Variants in CSGALNACT1 observed in about 807,000 individuals in gnomAD.
CSGALNACT1 encodes the protein chondroitin sulfate N-acetylgalactosaminyltransferase 1.
A neutral mutation model predicts 51.0 loss-of-function variants in CSGALNACT1; 52 were observed. The observed-to-expected ratio is 1.02, with a 90% CI of 0.82 to 1.29. The LOEUF (loss-of-function observed/expected upper bound fraction) is 1.29, where lower values mean the gene tolerates loss of function less well. Ranked by LOEUF, CSGALNACT1 falls within the 50% of genes most tolerant of loss-of-function variation. CSGALNACT1 has a pLI of 0.00. For synonymous variants in CSGALNACT1, 341 were observed against 254.4 expected, an observed-to-expected ratio of 1.34 and a Z score of -3.24; for missense variants, 935 against 679.2, an observed-to-expected ratio of 1.38 and a Z score of -4.19.
chr8:19,659,762 C>T (rs987694015), intron 1 of CSGALNACT1, among the ~76,000 whole-genome samples: 4 of 152,156 alleles, frequency 2.6e-5, no homozygotes, highest in African/African-American at 9.7e-5. Context: ...AGAGCACCTG[C>T]CTGGCATGCA....
intron 2 of CSGALNACT1, among the ~76,000 whole-genome samples, chr8:19,593,655 G>A (rs1392159976): frequency 6.6e-6 from 1 of 152,188 alleles, no homozygotes; most frequent in Non-Finnish European, 1.5e-5. Context: ...CAGGAAGGGT[G>A]GTTTTCATCT....
At chr8:19,597,430 G>A (rs886348811) in intron 2 of CSGALNACT1, among the ~76,000 whole-genome samples, 2 of 151,270 alleles carry the variant, frequency 1.3e-5, no homozygotes, top group South Asian at 2.1e-4. Flanking sequence ...AAGTAGCTGG[G>A]ACTACAGGCA....
chr8:19,716,774 G>A (rs559246136), intron 1 of CSGALNACT1, among the ~76,000 whole-genome samples: 24 of 151,798 alleles, frequency 1.6e-4, no homozygotes, highest in South Asian at 1.0e-3. Flanking sequence ...CCTGGGTGAC[G>A]GAGTGAGACT....
intron 1 of CSGALNACT1, among the ~76,000 whole-genome samples, chr8:19,688,042 C>T (rs1482032965): frequency 6.6e-6 from 1 of 152,216 alleles, no homozygotes; most frequent in Non-Finnish European, 1.5e-5. Flanking sequence ...TCATCAATCT[C>T]ACAGCCCTCC....
intron 3 of CSGALNACT1, among the ~76,000 whole-genome samples, chr8:19,590,064 T>G (rs1407944665): frequency 6.6e-6 from 1 of 152,140 alleles, no homozygotes; most frequent in Non-Finnish European, 1.5e-5. Flanking sequence ...TCCTACCAAT[T>G]AGGTTGAAAT....
chr8:19,645,691 G>A (rs1164490360), intron 1 of CSGALNACT1, among the ~76,000 whole-genome samples: 1 of 152,192 alleles, frequency 6.6e-6, no homozygotes, highest in Non-Finnish European at 1.5e-5. Context: ...TGATGCTGTG[G>A]GCACTGCCTG....
chr8:19,736,384 A>T (rs2063974328), intron 1 of CSGALNACT1, among the ~76,000 whole-genome samples: 1 of 152,144 alleles, frequency 6.6e-6, no homozygotes, highest in Non-Finnish European at 1.5e-5. Flanking sequence ...CTTTACAGAA[A>T]AAGTTTCTAT....
At chr8:19,574,845 G>A (rs1213358137) in intron 3 of CSGALNACT1, among the ~76,000 whole-genome samples, 2 of 152,086 alleles carry the variant, frequency 1.3e-5, no homozygotes, top group African/African-American at 2.4e-5. Context: ...GACCACCCTG[G>A]CCCATGTGGT....
rs2064833928 is a variant in CSGALNACT1, at chr8:19,748,579, T to C, written c.-297+9271A>G. Reference sequence around the variant, plus strand: ...TATATTAAGGATTTACCATGTGCTGTAGCATTTACGTACATTAGCTCAATG... The same window carrying C: ...TATATTAAGGATTTACCATGTGCTGCAGCATTTACGTACATTAGCTCAATG... On this transcript the variant is annotated intron_variant, in intron 1 of 1. Transcript: ENST00000517494. Among the ~76,000 whole-genome samples the C allele has an allele frequency of 2.0e-5, 3 of 152,224 alleles. No homozygotes were observed. In the South Asian group the frequency reaches 6.2e-4, roughly 32 times the overall value.
chr8:19,486,770 C>G (rs2073053298), intron 4 of CSGALNACT1, among the ~76,000 whole-genome samples: 3 of 152,166 alleles, frequency 2.0e-5, no homozygotes. Context: ...CTTTACTCAG[C>G]TATGGAATTT....
intron 4 of CSGALNACT1, among the ~76,000 whole-genome samples, chr8:19,493,301 G>A (rs1469018521): frequency 6.6e-6 from 1 of 152,090 alleles, no homozygotes; most frequent in Non-Finnish European, 1.5e-5. Context: ...TTTTTTGGGG[G>A]AGGGGGACAG....
At chr8:19,689,133 C>G (rs1210212734) in intron 1 of CSGALNACT1, among the ~76,000 whole-genome samples, 4 of 152,308 alleles carry the variant, frequency 2.6e-5, no homozygotes, top group African/African-American at 9.6e-5. Context: ...CCTCTGCAAT[C>G]TGGGCCAAGG....
intron 1 of CSGALNACT1, among the ~76,000 whole-genome samples, chr8:19,623,931 C>T (rs1003901976): frequency 3.3e-5 from 5 of 152,194 alleles, no homozygotes; most frequent in African/African-American, 1.2e-4. Context: ...GAAGGAGGCT[C>T]ATCTTACAAG....
At chr8:19,608,822 C>T (rs2051771706) in intron 1 of CSGALNACT1, among the ~76,000 whole-genome samples, 1 of 152,264 alleles carries the variant, frequency 6.6e-6, no homozygotes, top group Admixed American at 6.5e-5. Flanking sequence ...AAATCTTTCA[C>T]CAAACTAGAA....
At chr8:19,610,806 G>A (rs1461104111) in intron 1 of CSGALNACT1, among the ~76,000 whole-genome samples, 1 of 152,230 alleles carries the variant, frequency 6.6e-6, no homozygotes, top group African/African-American at 2.4e-5. Flanking sequence ...AAGAAACCGG[G>A]ATACGGAAAG....
At chr8:19,661,550 CA>C (rs2058744125) in intron 1 of CSGALNACT1, among the ~76,000 whole-genome samples, 2 of 152,220 alleles carry the variant, frequency 1.3e-5, no homozygotes, top group Non-Finnish European at 2.9e-5. Flanking sequence ...TTCTGTAATA[CA>C]GTACTATTCC....
rs114526285 is a variant in CSGALNACT1 at position 19,481,496 on chromosome 8, G to C, written c.635-22854C>G. Reference sequence around the variant, plus strand: ...ATAAAGATCACAGGTCTTTAGCTAAGTACCCTGCCCAAGATCTTCATCAAA... The same window carrying C: ...ATAAAGATCACAGGTCTTTAGCTAACTACCCTGCCCAAGATCTTCATCAAA... On this transcript the variant is annotated intron_variant, in intron 4 of 9. Coordinates refer to ENST00000454498, the Ensembl canonical transcript of CSGALNACT1. Among the ~76,000 whole-genome samples the C allele has an allele frequency of 9.2e-3, 1,402 of 152,166 alleles. 23 individuals carry two copies. Among genetic ancestry groups the C allele is most frequent in the African/African-American group, 0.032 (1,340 of 41,498 alleles).
At chr8:19,602,003 G>A in exon 1 of CSGALNACT1, 1 of 375,828 alleles carries the variant, frequency 2.7e-6, no homozygotes, top group Non-Finnish European at 5.2e-6. Context: ...CCAAAAAGCA[G>A]GATGGTATTT....
chr8:19,576,063 G>A (rs1478324156), intron 3 of CSGALNACT1, among the ~76,000 whole-genome samples: 1 of 152,106 alleles, frequency 6.6e-6, no homozygotes, highest in East Asian at 1.9e-4. Context: ...ACGGGAGTGG[G>A]TGCTGTCTGC....
Sources: gnomAD v4.1 joint callset for allele counts (sites outside exome capture counted in the v4.1 genomes callset) on GRCh38, gnomAD v4.1.1 for gene constraint, MANE v1.5 for transcripts, NCBI Gene and HGNC (gene_info 2026-07-23, HGNC 2026-07-21) for gene names.